Variants in NLK observed in about 807,000 individuals in gnomAD.
NLK encodes the protein serine/threonine-protein kinase NLK.
Under a neutral mutation model 59.0 loss-of-function variants are expected in NLK, and 11 were observed. That is an observed-to-expected ratio of 0.19 (90% CI 0.12 to 0.31). NLK has a LOEUF of 0.31. NLK is among the 10% of genes least tolerant of loss of function. The probability of loss-of-function intolerance (pLI) is 1.00; values close to 1 mark genes in which losing one functional copy is unlikely to be tolerated. For missense variants in NLK, 410 were observed against 661.1 expected, an observed-to-expected ratio of 0.62 and a Z score of 4.16; for synonymous variants, 235 against 235.9, an observed-to-expected ratio of 1.00 and a Z score of 0.03.
intron 10 of NLK, among the ~76,000 whole-genome samples, chr17:28,194,334 G>A (rs1422485269): frequency 2.0e-5 from 3 of 152,050 alleles, no homozygotes; most frequent in African/African-American, 4.8e-5. Flanking sequence ...ACTTGCTCAG[G>A]GCCATACAAC....
chr17:28,052,012 A>AT (rs953309164), intron 1 of NLK, among the ~76,000 whole-genome samples: 34 of 150,006 alleles, frequency 2.3e-4, no homozygotes, highest in African/African-American at 4.2e-4. Flanking sequence ...TTAAATGTTC[A>AT]TTTTTTTTTC....
rs553085557 is a variant in NLK at position 28,051,898 on chromosome 17, C to G, written c.458+8567C>G. Among the ~76,000 whole-genome samples the G allele has an allele frequency of 3.3e-5, 5 of 152,210 alleles. No individual in the cohort carries two copies. In the South Asian group the frequency reaches 1.0e-3, roughly 32 times the overall value. Reference sequence around the variant, plus strand: ...AGACAACTTTCTCTCTTCAGGACTACAGTGTTGAATAGCTTCTAAAATTGT... The same window carrying G: ...AGACAACTTTCTCTCTTCAGGACTAGAGTGTTGAATAGCTTCTAAAATTGT... On this transcript the variant is annotated intron_variant, in intron 1 of 10. Coordinates refer to ENST00000407008, the MANE Select transcript of NLK (RefSeq NM_016231.5).
chr17:28,091,294 C>G (rs1723554133), intron 1 of NLK, among the ~76,000 whole-genome samples: 1 of 151,990 alleles, frequency 6.6e-6, no homozygotes, highest in Admixed American at 6.6e-5. Context: ...ATACCAGAGC[C>G]AGAATAATGG....
chr17:28,190,202 T>C (rs1909257528), intron 8 of NLK, among the ~76,000 whole-genome samples: 1 of 152,234 alleles, frequency 6.6e-6, no homozygotes, highest in Non-Finnish European at 1.5e-5. Flanking sequence ...TTACTTTCAG[T>C]AATACACGTA....
intron 1 of NLK, among the ~76,000 whole-genome samples, chr17:28,100,467 T>C (rs1904866313): frequency 6.6e-6 from 1 of 152,234 alleles, no homozygotes; most frequent in African/African-American, 2.4e-5. Context: ...AGTGGCTGTG[T>C]AGTAGAATCT....
At chr17:28,156,699 T>C (rs1907756139) in intron 3 of NLK, among the ~76,000 whole-genome samples, 1 of 152,328 alleles carries the variant, frequency 6.6e-6, no homozygotes, top group African/African-American at 2.4e-5. Flanking sequence ...AGTTAACTGG[T>C]CATTAGAGCT....
intron 3 of NLK, among the ~76,000 whole-genome samples, chr17:28,143,709 A>G (rs36103034): frequency 0.018 from 2,692 of 152,358 alleles, 31 homozygotes; most frequent in Non-Finnish European, 0.027. Context: ...TGCACTTGGA[A>G]TATTAAATAT....
chr17:28,061,170 C>A (rs181468185), intron 1 of NLK, among the ~76,000 whole-genome samples: 2 of 152,280 alleles, frequency 1.3e-5, no homozygotes, highest in East Asian at 3.9e-4. Context: ...AAATAGACTC[C>A]TGTAGTAATC....
chr17:28,090,385 T>G (rs866909265), intron 1 of NLK, among the ~76,000 whole-genome samples: 5 of 152,216 alleles, frequency 3.3e-5, no homozygotes, highest in African/African-American at 7.2e-5. Flanking sequence ...CCTGTGTGGT[T>G]GTTGTTTCCT....
chr17:28,191,626 T>G lies in NLK; in HGVS notation c.1435+407T>G, dbSNP rs544318194. 2.2e-4 allele frequency among the ~76,000 whole-genome samples: 33 copies of G among 152,320 alleles called. 1 individual carries two copies. The South Asian group carries it at 5.2e-3, about 24-fold the overall frequency. Reference sequence around the variant, plus strand: ...TTTCTGATAGTGTACTCATAAAATTTTGTGGCAGGATCTCCTATTGGAATA... The same window carrying G: ...TTTCTGATAGTGTACTCATAAAATTGTGTGGCAGGATCTCCTATTGGAATA... On this transcript the variant is annotated intron_variant, in intron 9 of 10. Transcript: ENST00000407008.
chr17:28,133,029 G>A (rs113480715), intron 3 of NLK, among the ~76,000 whole-genome samples: 2 of 152,278 alleles, frequency 1.3e-5, no homozygotes, highest in African/African-American at 4.8e-5. Flanking sequence ...GCTGCCTGTC[G>A]GTTAAGAGAG....
intron 5 of NLK, among the ~76,000 whole-genome samples, chr17:28,165,702 C>T (rs1908195952): frequency 6.6e-6 from 1 of 152,062 alleles, no homozygotes; most frequent in South Asian, 2.1e-4. Context: ...ATTTTGGACT[C>T]AGGTTGTCTT....
At chr17:28,146,427 G>A (rs1471947899) in intron 3 of NLK, among the ~76,000 whole-genome samples, 1 of 151,894 alleles carries the variant, frequency 6.6e-6, no homozygotes, top group Non-Finnish European at 1.5e-5. Context: ...GATGATGATA[G>A]CAGCTACCAC....
At chr17:28,110,272 ATCT>A (rs1291471871) in intron 1 of NLK, among the ~76,000 whole-genome samples, 1 of 152,088 alleles carries the variant, frequency 6.6e-6, no homozygotes, top group Non-Finnish European at 1.5e-5. Context: ...GAAGGATAGG[ATCT>A]TCTTAGTCTG....
rs1387621737 is a variant in NLK, at chr17:28,194,902, A to T, written c.*266A>T. Reference sequence around the variant, plus strand: ...TAGTGCAGCTGTTATGGCTCACCTCAGAACAAAAGAGAATTGAACCAAATT... The same window carrying T: ...TAGTGCAGCTGTTATGGCTCACCTCTGAACAAAAGAGAATTGAACCAAATT... On this transcript the variant is annotated 3_prime_UTR_variant, in exon 11 of 11. Coordinates refer to ENST00000407008, the MANE Select transcript of NLK (RefSeq NM_016231.5). 8 of 328,298 alleles carry T rather than the reference A, an allele frequency of 2.4e-5. No homozygotes were observed. Among genetic ancestry groups the T allele is most frequent in the Non-Finnish European group, 4.4e-5 (8 of 180,950 alleles). 20.3% of individuals were successfully genotyped at this position (328,298 alleles called of 1,614,324 possible).
chr17:28,052,859 T>C (rs1028166549), intron 1 of NLK, among the ~76,000 whole-genome samples: 10 of 151,658 alleles, frequency 6.6e-5, no homozygotes, highest in African/African-American at 2.4e-4. Flanking sequence ...ACATGGCTAC[T>C]GACCAGCACC....
intron 1 of NLK, among the ~76,000 whole-genome samples, chr17:28,078,507 G>T (rs985767356): frequency 6.6e-6 from 1 of 152,126 alleles, no homozygotes; most frequent in African/African-American, 2.4e-5. Context: ...TTTGTCGGGG[G>T]TCATTCCATC....
chr17:28,152,747 C>T (rs897327357), intron 3 of NLK, among the ~76,000 whole-genome samples: 1 of 152,068 alleles, frequency 6.6e-6, no homozygotes, highest in African/African-American at 2.4e-5. Context: ...CCTCAGCCTC[C>T]CTAGTAGCCG....
At chr17:28,157,056 AC>A (rs1194518435) in intron 3 of NLK, among the ~76,000 whole-genome samples, 2 of 152,114 alleles carry the variant, frequency 1.3e-5, no homozygotes, top group South Asian at 4.2e-4. Context: ...TCACTCTGTC[AC>A]CCAGGCTGGA....
Sources: gnomAD v4.1 joint callset for allele counts (sites outside exome capture counted in the v4.1 genomes callset) on GRCh38, gnomAD v4.1.1 for gene constraint, MANE v1.5 for transcripts, NCBI Gene and HGNC (gene_info 2026-07-23, HGNC 2026-07-21) for gene names.